MYG1: variants seen among roughly 807,000 people sequenced by gnomAD.
The protein encoded by MYG1 is UPF0160 protein MYG1, mitochondrial.
Under a neutral mutation model 43.5 loss-of-function variants are expected in MYG1, and 36 were observed. The ratio of observed to expected loss-of-function variants is 0.83; its 90% CI spans 0.63 to 1.09. The LOEUF is 1.09. Among genes scored for constraint, MYG1 ranks in the 50% least tolerant of loss-of-function variants. The pLI, the probability that MYG1 is intolerant of heterozygous loss-of-function variation, is 0.00. For synonymous variants in MYG1, 220 were observed against 202.8 expected (o/e 1.08, Z -0.72); for missense variants, 529 against 495.1 (o/e 1.07, Z -0.65).
At chr12:53,305,740 T>A in intron 3 of MYG1, 168 bp from the exon 4 acceptor site, 1 of 764,988 alleles carries the variant, frequency 1.3e-6, no homozygotes, top group Non-Finnish European at 2.0e-6. Flanking sequence ...ACGAGCTGTC[T>A]GAGCTTCAGC....
rs768954010 is a variant in MYG1 at position 53,307,095 on chromosome 12, G to A, written c.1077G>A (p.Leu359=). ...GTCACCACACCCGAGAGGGTGCCTT[G>A]AGCATGGCCCGTGCCACCTTGGCCC... ...TGGHHTREGA[L]SMARATLAQR... Residue 359 remains leucine, a synonymous_variant, in exon 7 of 7, where the codon TTG becomes TTA. Transcript: ENST00000267103. 1.2e-6 allele frequency: 2 copies of A among 1,614,126 alleles called. No homozygotes were observed. Among genetic ancestry groups the A allele is most frequent in the East Asian group, 2.2e-5 (1 of 44,882 alleles).
At chr12:53,302,380 G>C (rs1944238782) in intron 2 of MYG1, among the ~76,000 whole-genome samples, 1 of 152,210 alleles carries the variant, frequency 6.6e-6, no homozygotes, top group African/African-American at 2.4e-5. Context: ...TGTAGTTTCT[G>C]CTTCCCTAAC....
chr12:53,303,373 G>T (rs558478670), intron 3 of MYG1, 180 bp downstream of exon 3: 18 of 637,072 alleles, frequency 2.8e-5, no homozygotes, highest in Middle Eastern at 4.4e-4. Flanking sequence ...TACCTCCCCT[G>T]TCTACATCCT....
Position 53,306,790 on chromosome 12 carries a change from T to A in MYG1, c.876T>A (p.Val292=). Residue 292 remains valine (V), a synonymous_variant, in exon 6 of 7, where the codon GTT becomes GTA. Coordinates refer to ENST00000267103, the MANE Select transcript of MYG1 (RefSeq NM_021640.4). ...CCCCTCCAGTGGCCATCTTCTTTGTTATCTACACTGACCAGGCTGGACAGT... is the reference window on the plus strand; with the variant it reads ...CCCCTCCAGTGGCCATCTTCTTTGTAATCTACACTGACCAGGCTGGACAGT... The part of the protein sequence containing the change: ...GLSPPVAIFF[V]IYTDQAGQWR... 6.2e-7 allele frequency: 1 copy of A among 1,614,040 alleles called. No individual in the cohort carries two copies. The highest frequency in any genetic ancestry group is 8.5e-7 in the Non-Finnish European group (1 of 1,179,974).
Position 53,299,701 on chromosome 12 carries a change from CG to C in MYG1, c.-34del, listed in dbSNP as rs1944205551. 2 of 1,562,240 alleles carry C rather than the reference CG, an allele frequency of 1.3e-6. No homozygotes were observed. The highest frequency in any genetic ancestry group is 1.4e-5 in the African/African-American group (1 of 73,626). ...GGGGCTGCGCTGGCGCTTCCTCTTC[CG>C]GGTCGGCGCTCCTGCCTCCCTGCAG... On this transcript the variant is annotated 5_prime_UTR_variant, in exon 1 of 7. Coordinates refer to ENST00000267103, the MANE Select transcript of MYG1 (RefSeq NM_021640.4).
At chr12:53,305,090 G>T (rs6580945) in intron 3 of MYG1, among the ~76,000 whole-genome samples, 104,728 of 150,998 alleles carry the variant, frequency 0.69, 36,649 homozygotes, top group East Asian at 0.94. Flanking sequence ...GGATGGTCTC[G>T]ATCTCCTGAC....
intron 2 of MYG1, among the ~76,000 whole-genome samples, chr12:53,302,050 C>T (rs1426608979): frequency 6.6e-6 from 1 of 151,970 alleles, no homozygotes; most frequent in African/African-American, 2.4e-5. Flanking sequence ...CAGTGGCACT[C>T]AGCTCACTTC....
rs372333604 is a variant in MYG1, at chr12:53,299,820, C to G, written c.83C>G (p.Pro28Arg). The G allele has an allele frequency of 6.2e-7, 1 of 1,614,040 alleles. No homozygotes were observed. The highest frequency in any genetic ancestry group is 8.5e-7 in the Non-Finnish European group (1 of 1,180,022). The change falls in exon 1 of 7, where the codon CCA (proline) becomes CGA (arginine). Residue 28 changes from proline (P) to arginine (R), a missense_variant. By Grantham distance (103) the Pro-to-Arg change is moderately radical. Transcript: ENST00000267103. ...PLYTRHRMLG[P>R]ESVPPPKRSR... ...TATACCCGGCACCGCATGCTCGGTC[C>G]AGAGTCCGTCCCGCCCCCAAAACGA...
chr12:53,303,151 C>T lies in MYG1; in HGVS notation c.447C>T (p.Gly149=), dbSNP rs760337229. ...ACAAGCTGCTGGCCCAGTTGCTGGG[C>T]ACTAGTGAAGAGGACAGCATGGTGG... ...FGHKLLAQLL[G]TSEEDSMVGT... Residue 149 remains glycine (G), a synonymous_variant, in exon 3 of 7, where the codon GGC becomes GGT. Coordinates refer to ENST00000267103, the MANE Select transcript of MYG1 (RefSeq NM_021640.4). The T allele has an allele frequency of 6.2e-6, 10 of 1,614,192 alleles. No homozygotes were observed. The South Asian group carries it at 1.1e-4, about 18-fold the overall frequency.
At chr12:53,306,625 T>C in intron 5 of MYG1, 55 bp from the exon 6 acceptor site, 1 of 1,554,146 alleles carries the variant, frequency 6.4e-7, no homozygotes, top group Non-Finnish European at 8.7e-7. Context: ...ACTACAAACA[T>C]GATCACCATG....
intron 1 of MYG1, 78 bp downstream of exon 1, chr12:53,300,031 A>C: frequency 1.3e-6 from 2 of 1,571,968 alleles, no homozygotes; most frequent in East Asian, 4.6e-5. Context: ...CAACAGGGTC[A>C]CTCCGATAGC....
At chr12:53,303,229 A>C (rs201379616) in intron 3 of MYG1, 36 bp downstream of exon 3, 223 of 1,603,606 alleles carry the variant, frequency 1.4e-4, no homozygotes, top group Non-Finnish European at 1.7e-4. Flanking sequence ...CCCCACATGC[A>C]TTTCCAGCAG....
chr12:53,305,023 T>C (rs904998523), intron 3 of MYG1, among the ~76,000 whole-genome samples: 5 of 151,642 alleles, frequency 3.3e-5, no homozygotes, highest in South Asian at 4.2e-4. Flanking sequence ...CGCCCGCCAC[T>C]ACGCCCGGCT....
chr12:53,307,124 G>A lies in MYG1; in HGVS notation c.1106G>A (p.Arg369His), dbSNP rs773373546. 1.2e-5 allele frequency: 19 copies of A among 1,611,668 alleles called. No individual in the cohort carries two copies. The highest frequency in any genetic ancestry group is 6.7e-5 in the East Asian group (3 of 44,886). ...ATGGCCCGTGCCACCTTGGCCCAGC[G>A]CTCATACCTCCCACAAATCTCCTAG... ...LSMARATLAQ[R>H]SYLPQIS The change falls in exon 7 of 7, where the codon CGC (arginine) becomes CAC (histidine). Residue 369 changes from arginine (R) to histidine (H), a missense_variant. Physicochemically the swap from Arg to His is conservative, Grantham distance 29 (BLOSUM62 0). Coordinates refer to ENST00000267103, the MANE Select transcript of MYG1 (RefSeq NM_021640.4).
rs1270242311 is a variant in MYG1 at position 53,302,694 on chromosome 12, C to T, written c.330-340C>T. On this transcript the variant is annotated intron_variant, in intron 2 of 6. Transcript: ENST00000267103. ...TCTCTCAGCCATCATTCATGTTGTT[C>T]TCTCTGCTTGGAATGCTTTTTCTCT... 8.5e-5 allele frequency among the ~76,000 whole-genome samples: 13 copies of T among 152,220 alleles called. No individual in the cohort carries two copies. The East Asian group carries it at 2.5e-3, about 29-fold the overall frequency.
intron 2 of MYG1, 43 bp downstream of exon 2, chr12:53,300,305 C>T: frequency 7.1e-7 from 1 of 1,417,084 alleles, no homozygotes; most frequent in Non-Finnish European, 9.5e-7. Flanking sequence ...TTGACCTCAG[C>T]TTTCCTCTGT....
Position 53,304,277 on chromosome 12 carries a change from TTTG to T in MYG1, c.489+1093_489+1095del, listed in dbSNP as rs550978803. ...GGGTTTCTAAACAACTGACTAAATT[TTTG>T]TTGTTGTTTTTTTTTGTTTTTTTGA... On this transcript the variant is annotated intron_variant, in intron 3 of 6. Transcript: ENST00000267103. Among the ~76,000 whole-genome samples, 128 of 151,704 alleles carry T rather than the reference TTTG, an allele frequency of 8.4e-4. 1 individual carries two copies. The highest frequency in any genetic ancestry group is 3.0e-3 in the African/African-American group (124 of 41,376).
chr12:53,303,020 C>A lies in MYG1; in HGVS notation c.330-14C>A, dbSNP rs773568486. ...AGGTCCCTCACCTCAGCCCCACCTCCCTATGCTCCTCAGGTCTTTCACAGA... is the reference window on the plus strand; with the variant it reads ...AGGTCCCTCACCTCAGCCCCACCTCACTATGCTCCTCAGGTCTTTCACAGA... On this transcript the variant is annotated splice_polypyrimidine_tract_variant and intron_variant, in intron 2 of 6. Coordinates refer to ENST00000267103, the MANE Select transcript of MYG1 (RefSeq NM_021640.4). 2 of 1,597,248 alleles carry A rather than the reference C, an allele frequency of 1.3e-6. No homozygotes were observed. Among genetic ancestry groups the A allele is most frequent in the African/African-American group, 1.3e-5 (1 of 74,528 alleles).
Position 53,299,778 on chromosome 12 carries a change from TGCC to T in MYG1, c.48_50del (p.Pro18del), listed in dbSNP as rs755136928. On this transcript the variant is annotated inframe_deletion, in exon 1 of 7. Coordinates refer to ENST00000267103, the MANE Select transcript of MYG1 (RefSeq NM_021640.4). ...CTGCGCGGCCTCTTAACGCTGCTGC[TGCC>T]GCCGCCACCCCTGTATACCCGGCAC... 5.6e-6 allele frequency: 9 copies of T among 1,614,004 alleles called. No homozygotes were observed. Among genetic ancestry groups the T allele is most frequent in the Non-Finnish European group, 6.8e-6 (8 of 1,179,942 alleles).
Sources: gnomAD v4.1 joint callset for allele counts (sites outside exome capture counted in the v4.1 genomes callset) on GRCh38, gnomAD v4.1.1 for gene constraint, MANE v1.5 for transcripts, NCBI Gene and HGNC (gene_info 2026-07-23, HGNC 2026-07-21) for gene names.